CLOCK: variants seen among roughly 807,000 people sequenced by gnomAD.
CLOCK encodes the protein clock circadian regulator.
A neutral mutation model predicts 118.4 loss-of-function variants in CLOCK; 43 were observed. That is an observed-to-expected ratio of 0.36 (90% CI 0.28 to 0.47). CLOCK has a LOEUF of 0.47. CLOCK is among the 20% of genes least tolerant of loss of function. The probability of loss-of-function intolerance (pLI) is 1.00; values close to 1 mark genes in which losing one functional copy is unlikely to be tolerated. For missense variants in CLOCK, 846 were observed against 999.9 expected, an observed-to-expected ratio of 0.85 and a Z score of 2.08; for synonymous variants, 326 against 339.2, an observed-to-expected ratio of 0.96 and a Z score of 0.43.
intron 2 of CLOCK, among the ~76,000 whole-genome samples, chr4:55,501,998 C>A (rs185405290): frequency 6.6e-6 from 1 of 152,028 alleles, no homozygotes; most frequent in Non-Finnish European, 1.5e-5. Context: ...TCATATCTTA[C>A]GAAGTCAACA....
intron 2 of CLOCK, among the ~76,000 whole-genome samples, chr4:55,493,131 G>A (rs1441777608): frequency 6.6e-6 from 1 of 151,784 alleles, no homozygotes; most frequent in Non-Finnish European, 1.5e-5. Flanking sequence ...CTATACATGA[G>A]GAGGCAAATA....
At chr4:55,522,632 A>T (rs1264853857) in intron 1 of CLOCK, among the ~76,000 whole-genome samples, 1 of 152,206 alleles carries the variant, frequency 6.6e-6, no homozygotes, top group Non-Finnish European at 1.5e-5. Context: ...AGTAAGATTA[A>T]CAGCCATATA....
chr4:55,496,058 A>C (rs894820458), intron 2 of CLOCK, among the ~76,000 whole-genome samples: 1 of 151,900 alleles, frequency 6.6e-6, no homozygotes, highest in Non-Finnish European at 1.5e-5. Flanking sequence ...GCGTGGTGGC[A>C]GGCGCCTGTA....
chr4:55,526,651 G>GA (rs970769361), intron 1 of CLOCK, among the ~76,000 whole-genome samples: 7 of 150,162 alleles, frequency 4.7e-5, no homozygotes, highest in Admixed American at 6.6e-5. Context: ...AGACAGTAAG[G>GA]AAAAAAAAAG....
At chr4:55,465,745 A>G (rs1725688395) in intron 8 of CLOCK, among the ~76,000 whole-genome samples, 1 of 152,142 alleles carries the variant, frequency 6.6e-6, no homozygotes, top group African/African-American at 2.4e-5. Context: ...TGAGGTCATC[A>G]GTTCAAGACC....
In CLOCK at chr4:55,513,953, C is replaced by T. The variant is rs114761100; in HGVS notation, c.-289-3888G>A. Among the ~76,000 whole-genome samples the T allele has an allele frequency of 8.3e-3, 1,258 of 152,160 alleles. 21 individuals are homozygous for T. Among genetic ancestry groups the T allele is most frequent in the African/African-American group, 0.029 (1,199 of 41,558 alleles). On this transcript the variant is annotated intron_variant, in intron 1 of 22. Transcript: ENST00000513440. ...TGCTGGTATATAGGAATATAATCTACTTTTGCATATTAACCTTGTATCCTG... is the reference window on the plus strand; with the variant it reads ...TGCTGGTATATAGGAATATAATCTATTTTTGCATATTAACCTTGTATCCTG...
chr4:55,449,331 G>A, intron 17 of CLOCK, 65 bp downstream of exon 17: 9 of 1,398,540 alleles, frequency 6.4e-6, no homozygotes, highest in Non-Finnish European at 9.1e-6. Flanking sequence ...AATTTCTGAA[G>A]ATTTAGATCA....
chr4:55,478,893 T>C lies in CLOCK; in HGVS notation c.178A>G (p.Met60Val). ...ATCTTTCTAGCATTACCAGGAAGCA[T>C]GGATCCCAGTTCTTTAATGAGAACA... ...FNVLIKELGS[M>V]LPGNARKMDK... The change falls in exon 6 of 23, where the codon ATG becomes GTG. Residue 60 changes from methionine (M) to valine (V), a missense_variant. This residue lies in a region of CLOCK where 246 missense variants were observed against 300.2 expected (regional missense o/e 0.82). Transcript: ENST00000513440. 6.2e-7 allele frequency: 1 copy of C among 1,611,300 alleles called. No homozygotes were observed. Among genetic ancestry groups the C allele is most frequent in the Non-Finnish European group, 8.5e-7 (1 of 1,178,194 alleles).
chr4:55,469,682 A>G (rs577283309), intron 8 of CLOCK, among the ~76,000 whole-genome samples: 1 of 152,278 alleles, frequency 6.6e-6, no homozygotes, highest in East Asian at 1.9e-4. Context: ...AGACATAAAG[A>G]AAGGAAATAT....
intron 13 of CLOCK, among the ~76,000 whole-genome samples, chr4:55,454,870 G>A (rs553829082): frequency 3.4e-5 from 1 of 29,592 alleles, no homozygotes; most frequent in Admixed American, 3.5e-4. Context: ...CAACCCCGCC[G>A]CCACCGCCTC....
In CLOCK at chr4:55,482,814, A is replaced by C; in HGVS notation, c.-29T>G. 1 of 1,549,872 alleles carries C rather than the reference A, an allele frequency of 6.5e-7. No individual in the cohort carries two copies. The highest frequency in any genetic ancestry group is 2.3e-5 in the East Asian group (1 of 44,236). On this transcript the variant is annotated 5_prime_UTR_variant, in exon 4 of 23. Coordinates refer to ENST00000513440, the MANE Select transcript of CLOCK (RefSeq NM_004898.4). The stretch of plus-strand genomic sequence containing the variant: ...ATACTACGTTTTCGTCTTGTAGTAG[A>C]CATTTGTACTTCTCCTTAGGTGAAA...
intron 8 of CLOCK, among the ~76,000 whole-genome samples, chr4:55,467,479 A>C (rs1725814183): frequency 6.6e-6 from 1 of 152,208 alleles, no homozygotes; most frequent in Non-Finnish European, 1.5e-5. Flanking sequence ...GATGAAGGGC[A>C]TCGAATTTTG....
intron 1 of CLOCK, among the ~76,000 whole-genome samples, chr4:55,512,865 T>C (rs1460692050): frequency 2.0e-5 from 3 of 152,202 alleles, no homozygotes; most frequent in Non-Finnish European, 2.9e-5. Flanking sequence ...TAGTTGACTA[T>C]GCAATCATGA....
intron 1 of CLOCK, among the ~76,000 whole-genome samples, chr4:55,523,071 G>A (rs1261739307): frequency 3.9e-5 from 6 of 152,160 alleles, no homozygotes; most frequent in South Asian, 2.1e-4. Context: ...GGAGGCGGGC[G>A]GATCGCGAGG....
At chr4:55,526,341 T>C (rs1418060620) in intron 1 of CLOCK, among the ~76,000 whole-genome samples, 1 of 152,160 alleles carries the variant, frequency 6.6e-6, no homozygotes, top group Non-Finnish European at 1.5e-5. Flanking sequence ...GGAGAAAAAG[T>C]AATGGTAAAT....
chr4:55,506,581 T>A (rs528560101), intron 2 of CLOCK, among the ~76,000 whole-genome samples: 28 of 152,142 alleles, frequency 1.8e-4, no homozygotes, highest in Admixed American at 5.9e-4. Flanking sequence ...TTATTTTTTT[T>A]AATTTTTTTT....
chr4:55,516,549 G>A (rs1002838100), intron 1 of CLOCK, among the ~76,000 whole-genome samples: 1 of 152,112 alleles, frequency 6.6e-6, no homozygotes, highest in Non-Finnish European at 1.5e-5. Context: ...TTAGCATATT[G>A]TATTTTTCTC....
At chr4:55,511,405 A>C (rs914352073) in intron 1 of CLOCK, among the ~76,000 whole-genome samples, 2 of 152,238 alleles carry the variant, frequency 1.3e-5, no homozygotes, top group African/African-American at 4.8e-5. Context: ...TTCTTTCAGA[A>C]AAGTACTGCT....
chr4:55,467,667 C>A (rs189436783), intron 8 of CLOCK, among the ~76,000 whole-genome samples: 8 of 152,260 alleles, frequency 5.3e-5, no homozygotes, highest in African/African-American at 1.9e-4. Context: ...TTATCTTAAT[C>A]CTATAATGGG....
Sources: allele counts gnomAD v4.1 joint callset (sites outside exome capture counted in the v4.1 genomes callset), GRCh38; gene constraint gnomAD v4.1.1; regional missense constraint gnomAD v4.1.1; transcripts MANE v1.5; gene names NCBI Gene and HGNC (gene_info 2026-07-23, HGNC 2026-07-21).